L3MBTL3: variants seen among roughly 807,000 people sequenced by gnomAD.
L3MBTL3 encodes lethal(3)malignant brain tumor-like protein 3.
L3MBTL3 carries 27 observed loss-of-function variants against 102.3 expected under a neutral mutation model. The ratio of observed to expected loss-of-function variants is 0.26; its 90% CI spans 0.19 to 0.36. The LOEUF is 0.36. Among genes scored for constraint, L3MBTL3 ranks in the 10% least tolerant of loss-of-function variants. The pLI is 1.00. For synonymous variants in L3MBTL3, 340 were observed against 320.9 expected, an observed-to-expected ratio of 1.06 and a Z score of -0.64; for missense variants, 798 against 955.3, an observed-to-expected ratio of 0.84 and a Z score of 2.17.
Position 130,141,050 on chromosome 6 carries a change from G to C in L3MBTL3, c.*1297G>C, listed in dbSNP as rs561057640. 1 of 152,574 alleles carries C rather than the reference G, an allele frequency of 6.6e-6. No homozygotes were observed. Among genetic ancestry groups the C allele is most frequent in the Non-Finnish European group, 1.5e-5 (1 of 68,032 alleles). The allele number at this position is 152,574 out of a possible 1,614,324, so 9.5% of individuals were successfully genotyped here. On this transcript the variant is annotated 3_prime_UTR_variant, in exon 23 of 23. Transcript: ENST00000361794. ...GCAAGAATGCATTTCTAAGGCAAAA[G>C]GTAAATTATTTTGTCCGTCTTTTGA...
chr6:130,047,792 T>A (rs1030434999), intron 3 of L3MBTL3, among the ~76,000 whole-genome samples: 1 of 152,206 alleles, frequency 6.6e-6, no homozygotes, highest in Non-Finnish European at 1.5e-5. Flanking sequence ...TTTTGAAATA[T>A]TCTGTCTTCA....
chr6:130,138,681 C>T (rs995405875), intron 22 of L3MBTL3, among the ~76,000 whole-genome samples: 12 of 152,082 alleles, frequency 7.9e-5, no homozygotes, highest in South Asian at 2.1e-4. Flanking sequence ...TAACGGAGTG[C>T]GTTGCTGTCA....
chr6:130,055,032 T>C, intron 7 of L3MBTL3, 139 bp from the exon 8 acceptor site: 2 of 667,632 alleles, frequency 3.0e-6, no homozygotes, highest in Non-Finnish European at 5.4e-6. Flanking sequence ...AGATGAACTA[T>C]ATTCTTACTT....
intron 5 of L3MBTL3, among the ~76,000 whole-genome samples, chr6:130,050,886 A>G (rs1781052740): frequency 6.6e-6 from 1 of 152,232 alleles, no homozygotes; most frequent in Non-Finnish European, 1.5e-5. Context: ...TGTGAAATAA[A>G]AGAAGATCCT....
At chr6:130,070,319 T>G (rs886169096) in intron 12 of L3MBTL3, among the ~76,000 whole-genome samples, 5 of 152,208 alleles carry the variant, frequency 3.3e-5, no homozygotes, top group African/African-American at 4.8e-5. Flanking sequence ...TTGTTCCATG[T>G]TCTGAATGAC....
chr6:130,093,346 CTT>C (rs1192838651), intron 17 of L3MBTL3, among the ~76,000 whole-genome samples: 1 of 152,070 alleles, frequency 6.6e-6, no homozygotes, highest in Non-Finnish European at 1.5e-5. Context: ...ACGTGGAGAA[CTT>C]AACATACCAC....
At chr6:130,117,090 T>C (rs1247727674) in intron 19 of L3MBTL3, among the ~76,000 whole-genome samples, 1 of 138,800 alleles carries the variant, frequency 7.2e-6, no homozygotes, top group Non-Finnish European at 1.6e-5. Context: ...TCATCTAGCA[T>C]TAGGTATATC....
intron 14 of L3MBTL3, among the ~76,000 whole-genome samples, chr6:130,079,325 G>A (rs965993614): frequency 5.3e-5 from 8 of 152,116 alleles, no homozygotes; most frequent in Admixed American, 2.6e-4. Flanking sequence ...GTTTTCAGGC[G>A]CTTCTGCTCT....
chr6:130,057,431 G>T lies in L3MBTL3; in HGVS notation c.693G>T (p.Ala231=), dbSNP rs772725438. ...GTTTGCCTCCTAAAGGAAAGAAAGCGTGGTGCTGGGCATCCTACCTGGAAG... is the reference window on the plus strand; with the variant it reads ...GTTTGCCTCCTAAAGGAAAGAAAGCTTGGTGCTGGGCATCCTACCTGGAAG... The part of the protein sequence containing the change: ...KQGLPPKGKK[A]WCWASYLEEE... Residue 231 remains alanine, a synonymous_variant, in exon 9 of 23, where the codon GCG becomes GCT. Coordinates refer to ENST00000361794, the MANE Select transcript of L3MBTL3 (RefSeq NM_032438.4). 11 of 1,610,544 alleles carry T rather than the reference G, an allele frequency of 6.8e-6. No individual in the cohort carries two copies. In the East Asian group the frequency reaches 2.0e-4, roughly 29 times the overall value.
At chr6:130,086,961 A>G (rs1783728795) in intron 16 of L3MBTL3, among the ~76,000 whole-genome samples, 1 of 152,236 alleles carries the variant, frequency 6.6e-6, no homozygotes, top group African/African-American at 2.4e-5. Context: ...TTTACAGGGT[A>G]ACCCTGTTCT....
chr6:130,019,659 G>C (rs1040556524), intron 1 of L3MBTL3, among the ~76,000 whole-genome samples: 15 of 151,382 alleles, frequency 9.9e-5, no homozygotes, highest in Non-Finnish European at 1.6e-4. Flanking sequence ...CCGCGGCGGG[G>C]CTCGGCGGCC....
At chr6:130,112,996 G>A (rs1171822917) in intron 19 of L3MBTL3, among the ~76,000 whole-genome samples, 2 of 152,162 alleles carry the variant, frequency 1.3e-5, no homozygotes, top group African/African-American at 4.8e-5. Context: ...TGCTCCTAGA[G>A]GCAAGATGTT....
chr6:130,055,689 T>TC (rs1261656654), intron 8 of L3MBTL3, among the ~76,000 whole-genome samples: 3 of 130,786 alleles, frequency 2.3e-5, no homozygotes, highest in Non-Finnish European at 4.9e-5. Context: ...CATCCCTCTC[T>TC]CCCTCTCTCT....
intron 12 of L3MBTL3, among the ~76,000 whole-genome samples, chr6:130,068,751 G>A (rs1004248952): frequency 6.6e-6 from 1 of 152,088 alleles, no homozygotes. Flanking sequence ...TGTTCAAATG[G>A]GATTCACATA....
At chr6:130,106,401 C>T (rs1784981960) in intron 19 of L3MBTL3, among the ~76,000 whole-genome samples, 1 of 152,118 alleles carries the variant, frequency 6.6e-6, no homozygotes, top group African/African-American at 2.4e-5. Flanking sequence ...TCACTGAGAC[C>T]TTGAATTGAC....
intron 10 of L3MBTL3, among the ~76,000 whole-genome samples, chr6:130,065,941 TGGTCTGCA>T (rs1782218025): frequency 6.6e-6 from 1 of 152,158 alleles, no homozygotes; most frequent in Admixed American, 6.5e-5. Context: ...GCACCAGCTG[TGGTCTGCA>T]GCCTTCAGTG....
At chr6:130,056,422 G>A (rs1158050299) in intron 8 of L3MBTL3, among the ~76,000 whole-genome samples, 2 of 152,162 alleles carry the variant, frequency 1.3e-5, no homozygotes, top group Non-Finnish European at 2.9e-5. Flanking sequence ...TCAGCTTGCA[G>A]CCTGCACAGT....
At chr6:130,071,410 CCTT>C (rs751250056) in intron 13 of L3MBTL3, among the ~76,000 whole-genome samples, 34 of 152,182 alleles carry the variant, frequency 2.2e-4, no homozygotes, top group African/African-American at 7.7e-4. Context: ...TTTAATCTTC[CCTT>C]CTTATTTTCA....
At chr6:130,087,478 GA>G (rs1032107209) in intron 16 of L3MBTL3, among the ~76,000 whole-genome samples, 3 of 151,604 alleles carry the variant, frequency 2.0e-5, no homozygotes, top group African/African-American at 7.3e-5. Flanking sequence ...GCTCAGAATT[GA>G]AAAAAAATAT....
Sources: allele counts gnomAD v4.1 joint callset (sites outside exome capture counted in the v4.1 genomes callset), GRCh38; gene constraint gnomAD v4.1.1; transcripts MANE v1.5; gene names NCBI Gene and HGNC (gene_info 2026-07-23, HGNC 2026-07-21).